SLC7A14: variants seen among roughly 807,000 people sequenced by gnomAD.
SLC7A14 encodes solute carrier family 7 member 14.
Under a neutral mutation model 60.2 loss-of-function variants are expected in SLC7A14, and 37 were observed. That is an observed-to-expected ratio of 0.61 (90% CI 0.47 to 0.81). The LOEUF is 0.81. Among genes scored for constraint, SLC7A14 ranks in the 30% least tolerant of loss-of-function variants. SLC7A14 has a pLI of 0.00. For missense variants in SLC7A14, 886 were observed against 982.7 expected, an observed-to-expected ratio of 0.90 and a Z score of 1.32; for synonymous variants, 399 against 395.8, an observed-to-expected ratio of 1.01 and a Z score of -0.10.
chr3:170,537,071 A>T (rs1419279602), intron 1 of SLC7A14, among the ~76,000 whole-genome samples: 1 of 152,226 alleles, frequency 6.6e-6, no homozygotes, highest in African/African-American at 2.4e-5. Flanking sequence ...CACATATCTC[A>T]CACAATTCCC....
chr3:170,480,449 C>A lies in SLC7A14; in HGVS notation c.1833G>T (p.Leu611=), dbSNP rs1318969478. The A allele has an allele frequency of 1.9e-6, 3 of 1,613,622 alleles. No homozygotes were observed. The highest frequency in any genetic ancestry group is 1.3e-5 in the African/African-American group (1 of 74,912). Residue 611 remains leucine, a synonymous_variant, in exon 7 of 8, where the codon CTG becomes CTT. Transcript: ENST00000231706. Reference sequence around the variant, plus strand: ...CTGGCTGCTGCAGGATCACAAACACCAGGGTGCTGATCAGCAGCACCATCA... The same window carrying A: ...CTGGCTGCTGCAGGATCACAAACACAAGGGTGCTGATCAGCAGCACCATCA... ...VVLMVLLIST[L]VFVILQQPEN...
intron 1 of SLC7A14, among the ~76,000 whole-genome samples, chr3:170,568,176 A>G (rs1332300984): frequency 3.3e-5 from 5 of 152,058 alleles, no homozygotes; most frequent in African/African-American, 9.7e-5. Context: ...ATCTTGAATT[A>G]ATTTTTGTAT....
rs957422900 is a variant in SLC7A14, at chr3:170,466,041, C to T, written c.*1014G>A. On this transcript the variant is annotated 3_prime_UTR_variant, in exon 8 of 8. Coordinates refer to ENST00000231706, the MANE Select transcript of SLC7A14 (RefSeq NM_020949.3). ...AACTACCTAAGTCGCTATACTTCAG[C>T]CTATTTTGTTTTCAGAGTAGCACAC... 1.3e-5 allele frequency: 2 copies of T among 152,138 alleles called. No homozygotes were observed. Among genetic ancestry groups the T allele is most frequent in the African/African-American group, 4.8e-5 (2 of 41,424 alleles). 9.4% of individuals were successfully genotyped at this position (152,138 alleles called of 1,614,324 possible). A position where few individuals can be genotyped will look rare whatever the true frequency, so the allele number is the denominator to read the frequency against.
intron 1 of SLC7A14, among the ~76,000 whole-genome samples, chr3:170,566,085 T>A (rs1714779558): frequency 6.6e-6 from 1 of 152,108 alleles, no homozygotes; most frequent in Non-Finnish European, 1.5e-5. Context: ...GAAGAGGAAT[T>A]TAAGGCCCAG....
At chr3:170,498,355 G>T (rs1490898409) in intron 4 of SLC7A14, among the ~76,000 whole-genome samples, 1 of 152,088 alleles carries the variant, frequency 6.6e-6, no homozygotes, top group Non-Finnish European at 1.5e-5. Flanking sequence ...AGATTATCAG[G>T]ATGATTAAAT....
chr3:170,573,632 A>G (rs1351690269), intron 1 of SLC7A14, among the ~76,000 whole-genome samples: 1 of 152,236 alleles, frequency 6.6e-6, no homozygotes, highest in Non-Finnish European at 1.5e-5. Flanking sequence ...CATAAAGACT[A>G]GATAAAGTCT....
chr3:170,504,707 G>A (rs1474834166), intron 2 of SLC7A14, among the ~76,000 whole-genome samples: 1 of 152,046 alleles, frequency 6.6e-6, no homozygotes, highest in Non-Finnish European at 1.5e-5. Context: ...GAAATGAGAC[G>A]GCCAATTAGA....
At chr3:170,514,466 C>G (rs1713087987) in intron 2 of SLC7A14, among the ~76,000 whole-genome samples, 1 of 152,224 alleles carries the variant, frequency 6.6e-6, no homozygotes, top group Non-Finnish European at 1.5e-5. Flanking sequence ...AGAAAAAGTA[C>G]TTTGTCATGA....
intron 1 of SLC7A14, among the ~76,000 whole-genome samples, chr3:170,571,285 A>C (rs1714949094): frequency 1.3e-5 from 2 of 152,238 alleles, no homozygotes; most frequent in Non-Finnish European, 2.9e-5. Context: ...ATGTAGATAC[A>C]TCTTGAACTT....
At position 170,466,942 on chromosome 3, in the gene SLC7A14, T is replaced by C. The variant is rs1739733034; in HGVS notation, c.*113A>G. 1.1e-6 allele frequency: 1 copy of C among 898,748 alleles called. No homozygotes were observed. The highest frequency in any genetic ancestry group is 1.7e-6 in the Non-Finnish European group (1 of 585,078). The allele number at this position is 898,748 out of a possible 1,614,324, so 55.7% of individuals were successfully genotyped here. On this transcript the variant is annotated 3_prime_UTR_variant, in exon 8 of 8. Transcript: ENST00000231706. ...GACAGGCTATGACTAGGGATTGAAT[T>C]TGGGGAAGGCTGGATTTGTGAAATG...
At position 170,460,540 on chromosome 3, in the gene SLC7A14, A is replaced by G. The variant is rs1739576768; in HGVS notation, c.*6515T>C. 6.6e-6 allele frequency: 1 copy of G among 152,192 alleles called. No homozygotes were observed. Among genetic ancestry groups the G allele is most frequent in the East Asian group, 1.9e-4 (1 of 5,194 alleles). 9.4% of individuals were successfully genotyped at this position (152,192 alleles called of 1,614,324 possible). A position where few individuals can be genotyped will look rare whatever the true frequency, so the allele number is the denominator to read the frequency against. On this transcript the variant is annotated 3_prime_UTR_variant, in exon 8 of 8. Transcript: ENST00000231706. Reference sequence around the variant, plus strand: ...AGCGTATCAGCAACTGCCAAGACCAATCAATAGATGTGCATGGAACATTCT... The same window carrying G: ...AGCGTATCAGCAACTGCCAAGACCAGTCAATAGATGTGCATGGAACATTCT...
At chr3:170,471,090 G>GGTGTGTGTGTGTGT (rs113891859) in intron 7 of SLC7A14, among the ~76,000 whole-genome samples, 2,351 of 146,422 alleles carry the variant, frequency 0.016, 35 homozygotes, top group African/African-American at 0.033. Flanking sequence ...TCTGGGAAGG[G>GGTGTGTGTGTGTGT]GTGTGTGTGT....
rs79577900 is a variant in SLC7A14 at position 170,473,750 on chromosome 3, A to T, written c.1994-6373T>A. On this transcript the variant is annotated intron_variant, in intron 7 of 7. Coordinates refer to ENST00000231706, the MANE Select transcript of SLC7A14 (RefSeq NM_020949.3). The stretch of plus-strand genomic sequence containing the variant: ...ACTATAATAACAACAAGGCTTGTTT[A>T]ATATGGTATGGCCAGGAAGAGCAGG... Among the ~76,000 whole-genome samples the T allele has an allele frequency of 1.4e-3, 213 of 152,204 alleles. 5 individuals are homozygous for T. In the East Asian group the frequency reaches 0.037, roughly 26 times the overall value.
At chr3:170,557,371 T>C (rs1185134013) in intron 1 of SLC7A14, among the ~76,000 whole-genome samples, 1 of 152,140 alleles carries the variant, frequency 6.6e-6, no homozygotes, top group Admixed American at 6.5e-5. Context: ...AAATCGGAGT[T>C]GTCCAATTTT....
intron 5 of SLC7A14, among the ~76,000 whole-genome samples, chr3:170,483,952 T>C (rs552243401): frequency 7.9e-5 from 12 of 152,354 alleles, no homozygotes; most frequent in Non-Finnish European, 1.6e-4. Flanking sequence ...TTCTGCTTTC[T>C]GGTCCTACAG....
At position 170,483,601 on chromosome 3, in the gene SLC7A14, G is replaced by GC. The variant is rs1436908538; in HGVS notation, c.907-80dup. On this transcript the variant is annotated intron_variant, in intron 5 of 7. Coordinates refer to ENST00000231706, the MANE Select transcript of SLC7A14 (RefSeq NM_020949.3). ...TAGAGGCCCCACGGGAGAGGAAAGAGCCCTGCCCCTGGAGGCAGAGGCTTG... is the reference window on the plus strand; with the variant it reads ...TAGAGGCCCCACGGGAGAGGAAAGAGCCCCTGCCCCTGGAGGCAGAGGCTTG... The GC allele has an allele frequency of 1.5e-5, 23 of 1,498,934 alleles. No homozygotes were observed. In the Middle Eastern group the frequency reaches 5.2e-4, roughly 34 times the overall value. 92.9% of individuals were successfully genotyped at this position (1,498,934 alleles called of 1,614,324 possible).
chr3:170,526,822 T>C lies in SLC7A14; in HGVS notation c.115A>G (p.Thr39Ala). The C allele has an allele frequency of 6.2e-7, 1 of 1,614,164 alleles. No homozygotes were observed. Among genetic ancestry groups the C allele is most frequent in the Non-Finnish European group, 8.5e-7 (1 of 1,180,016 alleles). Residue 39 changes from threonine to alanine, a missense_variant, in exon 2 of 8, where the codon ACT becomes GCT. Thr to Ala is a moderately conservative substitution (Grantham distance 58). Transcript: ENST00000231706. Reference protein sequence around the residue: ...TKPVESMLEGTGTTTAHGTKL... With the variant: ...TKPVESMLEGAGTTTAHGTKL... The stretch of plus-strand genomic sequence containing the variant: ...GTTCCATGTGCCGTGGTGGTCCCAG[T>C]TCCCTCTAGCATGGACTCCACTGGT...
chr3:170,496,961 G>A (rs1450151725), intron 4 of SLC7A14, among the ~76,000 whole-genome samples: 1 of 152,066 alleles, frequency 6.6e-6, no homozygotes, highest in Non-Finnish European at 1.5e-5. Flanking sequence ...CTGTGCAGGG[G>A]AGCACAGGGA....
At chr3:170,498,918 G>A in intron 3 of SLC7A14, 34 bp from the exon 4 acceptor site, 1 of 1,608,396 alleles carries the variant, frequency 6.2e-7, no homozygotes. Context: ...ACATTGTCTG[G>A]AGGGAAGAAA....
Sources: gnomAD v4.1 joint callset for allele counts (sites outside exome capture counted in the v4.1 genomes callset) on GRCh38, gnomAD v4.1.1 for gene constraint, MANE v1.5 for transcripts, NCBI Gene and HGNC (gene_info 2026-07-23, HGNC 2026-07-21) for gene names.